The following IDI1 variants were observed in gnomAD, a reference collection of about 807,000 sequenced individuals.
The protein encoded by IDI1 is isopentenyl-diphosphate delta isomerase 1, also known as isopentenyl-diphosphate Delta-isomerase 1.
IDI1 carries 23 observed loss-of-function variants against 32.9 expected under a neutral mutation model. The ratio of observed to expected loss-of-function variants is 0.70; its 90% CI spans 0.50 to 0.99. IDI1 has a LOEUF of 0.99. Ranked by LOEUF, IDI1 falls within the 50% of genes least tolerant of loss-of-function variation. The probability of loss-of-function intolerance (pLI) is 0.00; values close to 1 mark genes in which losing one functional copy is unlikely to be tolerated. For synonymous variants in IDI1, 133 were observed against 128.2 expected, an observed-to-expected ratio of 1.04 and a Z score of -0.25; for missense variants, 326 against 351.9, an observed-to-expected ratio of 0.93 and a Z score of 0.59.
chr10:1,040,995 G>A lies in IDI1; in HGVS notation c.*192C>T, dbSNP rs1832559871. The A allele has an allele frequency of 4.0e-6, 2 of 497,850 alleles. No homozygotes were observed. Among genetic ancestry groups the A allele is most frequent in the Admixed American group, 3.5e-5 (1 of 28,194 alleles). The allele number at this position is 497,850 out of a possible 1,614,324, so 30.8% of individuals were successfully genotyped here. ...GAAACAGAACACATATCCAGGGTGT[G>A]TGATACAAAATTATAAGTTAGTTTT... is the stretch of plus-strand genomic sequence containing the variant. On this transcript the variant is annotated 3_prime_UTR_variant, in exon 5 of 5. Coordinates refer to ENST00000381344, the MANE Select transcript of IDI1 (RefSeq NM_004508.4).
chr10:1,044,265 C>T (rs1280194079), intron 1 of IDI1, 94 bp from the exon 2 acceptor site: 3 of 909,310 alleles, frequency 3.3e-6, no homozygotes, highest in East Asian at 2.6e-5. Context: ...TCCCCATCTG[C>T]AGTTGTACCA....
At chr10:1,048,793 C>T in intron 1 of IDI1, 71 bp downstream of exon 1, 1 of 1,556,066 alleles carries the variant, frequency 6.4e-7, no homozygotes, top group Non-Finnish European at 8.7e-7. Flanking sequence ...GGCCTCCTCC[C>T]CGCCCCGTCC....
the IDI1 span, among the ~76,000 whole-genome samples, chr10:1,054,682 G>T: frequency 1.3e-5 from 2 of 152,120 alleles, no homozygotes; most frequent in Admixed American, 1.3e-4. Context: ...AAATTACATT[G>T]GATAGTTATT....
chr10:1,042,574 ACC>A, intron 4 of IDI1, 56 bp downstream of exon 4: 1 of 1,582,192 alleles, frequency 6.3e-7, no homozygotes, highest in Non-Finnish European at 8.7e-7. Flanking sequence ...TTTATTAAAA[ACC>A]TTTTTATAGT....
chr10:1,050,625 C>T (rs1326234691), upstream of IDI1, among the ~76,000 whole-genome samples: 1 of 152,148 alleles, frequency 6.6e-6, no homozygotes, highest in Non-Finnish European at 1.5e-5. Context: ...TCATGTGTAG[C>T]TGAAGCCTGT....
At position 1,039,951 on chromosome 10, in the gene IDI1, A is replaced by T. The variant is rs548651310; in HGVS notation, c.*1236T>A. The T allele has an allele frequency of 6.6e-6, 1 of 152,386 alleles. No homozygotes were observed. Among genetic ancestry groups the T allele is most frequent in the South Asian group, 2.1e-4 (1 of 4,834 alleles). 9.4% of individuals were successfully genotyped at this position (152,386 alleles called of 1,614,324 possible). ...TACTTTTCAATAAAATACTTGCTAAACAGTCTTGTCTGAAATTATAAATTG... is the reference window on the plus strand; with the variant it reads ...TACTTTTCAATAAAATACTTGCTAATCAGTCTTGTCTGAAATTATAAATTG... On this transcript the variant is annotated 3_prime_UTR_variant, in exon 5 of 5. Transcript: ENST00000381344.
At chr10:1,042,524 G>A (rs761313056) in intron 4 of IDI1, 108 bp downstream of exon 4, 15 of 1,044,060 alleles carry the variant, frequency 1.4e-5, no homozygotes, top group Non-Finnish European at 2.1e-5. Context: ...TCATAACTCC[G>A]GAGGTTACCA....
Position 1,040,896 on chromosome 10 carries a change from T to C in IDI1, c.*291A>G, listed in dbSNP as rs564374372. 5.0e-5 allele frequency: 13 copies of C among 257,896 alleles called. No homozygotes were observed. The South Asian group carries it at 1.1e-3, about 21-fold the overall frequency. The allele number at this position is 257,896 out of a possible 1,614,324, so 16.0% of individuals were successfully genotyped here. Reference sequence around the variant, plus strand: ...CATTTGTTCAAATTTCCCATAAGTATGTATCTGCAAAGATTAAATTAAGTT... The same window carrying C: ...CATTTGTTCAAATTTCCCATAAGTACGTATCTGCAAAGATTAAATTAAGTT... On this transcript the variant is annotated 3_prime_UTR_variant, in exon 5 of 5. Coordinates refer to ENST00000381344, the MANE Select transcript of IDI1 (RefSeq NM_004508.4).
At chr10:1,055,673 T>TA in the IDI1 span, among the ~76,000 whole-genome samples, 1 of 152,146 alleles carries the variant, frequency 6.6e-6, no homozygotes, top group East Asian at 1.9e-4. Context: ...TTTTTAGTGA[T>TA]AAAGTTTTAT....
At chr10:1,050,313 G>A (rs144421570), upstream of IDI1, among the ~76,000 whole-genome samples, 266 of 152,204 alleles carry the variant, frequency 1.7e-3, 1 homozygote, top group African/African-American at 6.2e-3. Context: ...TTTCATGTCT[G>A]GCTTCACACA....
Position 1,040,933 on chromosome 10 carries a change from C to T in IDI1, c.*254G>A. ...GATTAAATTAAGTTTTATTTGCTCG[C>T]TCTCATTTTACAATAATCTCTCACA... On this transcript the variant is annotated 3_prime_UTR_variant, in exon 5 of 5. Transcript: ENST00000381344. 2.8e-6 allele frequency: 1 copy of T among 352,138 alleles called. No homozygotes were observed. The highest frequency in any genetic ancestry group is 5.1e-6 in the Non-Finnish European group (1 of 195,630). The allele number at this position is 352,138 out of a possible 1,614,324, so 21.8% of individuals were successfully genotyped here. A position where few individuals can be genotyped will look rare whatever the true frequency, so the allele number is the denominator to read the frequency against.
chr10:1,049,478 C>A (rs535507496), upstream of IDI1: 57 of 158,694 alleles, frequency 3.6e-4, 3 homozygotes, highest in South Asian at 4.1e-3. Context: ...CCCCTCCCCC[C>A]CCCCGAGTTC....
Position 1,041,122 on chromosome 10 carries a change from A to C in IDI1, c.*65T>G. On this transcript the variant is annotated 3_prime_UTR_variant, in exon 5 of 5. Transcript: ENST00000381344. ...TAAATTAATGATAGAACTAAATTTA[A>C]AAGGAAAAAGTCATTCTAAGTTTGT... 1 of 912,478 alleles carries C rather than the reference A, an allele frequency of 1.1e-6. No individual in the cohort carries two copies. Among genetic ancestry groups the C allele is most frequent in the Non-Finnish European group, 1.6e-6 (1 of 608,520 alleles). The allele number at this position is 912,478 out of a possible 1,614,324, so 56.5% of individuals were successfully genotyped here.
intron 2 of IDI1, chr10:1,043,609 T>G: frequency 1.5e-6 from 1 of 674,354 alleles, no homozygotes; most frequent in South Asian, 1.5e-5. Context: ...GTGATGCTGG[T>G]GGCCCCTTTC....
the IDI1 span, chr10:1,056,331 C>A: frequency 1.3e-5 from 2 of 152,276 alleles, no homozygotes; most frequent in African/African-American, 4.8e-5. Context: ...ACAGCTGATT[C>A]TGTTTTTCCT....
At chr10:1,053,558 G>A (rs78819912), upstream of IDI1, among the ~76,000 whole-genome samples, 173 of 152,248 alleles carry the variant, frequency 1.1e-3, 7 homozygotes, top group East Asian at 0.027. Flanking sequence ...TTCACTGTAG[G>A]AGCACTTCAA....
intron 1 of IDI1, among the ~76,000 whole-genome samples, chr10:1,045,760 C>T (rs747055151): frequency 1.3e-5 from 2 of 152,340 alleles, no homozygotes; most frequent in Middle Eastern, 3.4e-3. Flanking sequence ...AGCCACCACA[C>T]GGGGACCACT....
upstream of IDI1, among the ~76,000 whole-genome samples, chr10:1,050,084 C>T (rs1832958814): frequency 6.6e-6 from 1 of 152,226 alleles, no homozygotes; most frequent in Non-Finnish European, 1.5e-5. Flanking sequence ...TCTCAAACTT[C>T]TTGGTCACAG....
chr10:1,043,576 T>G, intron 2 of IDI1, 183 bp from the exon 3 acceptor site: 1 of 691,998 alleles, frequency 1.4e-6, no homozygotes, highest in South Asian at 1.5e-5. Flanking sequence ...GGCAAGGAAG[T>G]TGGCCGTCGA....
Sources: allele counts gnomAD v4.1 joint callset (sites outside exome capture counted in the v4.1 genomes callset), GRCh38; gene constraint gnomAD v4.1.1; transcripts MANE v1.5; gene names NCBI Gene and HGNC (gene_info 2026-07-23, HGNC 2026-07-21).